The following LMCD1 variants were observed in gnomAD, a reference collection of about 807,000 sequenced individuals.
LMCD1 encodes the protein LIM and cysteine rich domains 1.
In LMCD1, 32 loss-of-function variants were observed where a neutral mutation model predicts 42.7. The observed-to-expected ratio is 0.75, with a 90% CI of 0.57 to 1.01. The LOEUF (loss-of-function observed/expected upper bound fraction) is 1.01, where lower values mean the gene tolerates loss of function less well. Among genes scored for constraint, LMCD1 ranks in the 50% least tolerant of loss-of-function variants. LMCD1 has a pLI of 0.00. For synonymous variants in LMCD1, 178 were observed against 184.9 expected (o/e 0.96, Z 0.30); for missense variants, 458 against 483.1 (o/e 0.95, Z 0.49).
At chr3:8,533,553 C>T (rs990111130) in intron 2 of LMCD1, among the ~76,000 whole-genome samples, 2 of 152,142 alleles carry the variant, frequency 1.3e-5, no homozygotes, top group Admixed American at 6.5e-5. Context: ...ATCACCACTG[C>T]TGTAGCGTTG....
chr3:8,514,985 T>G (rs60137047), intron 1 of LMCD1: 58,986 of 456,284 alleles, frequency 0.13, 4,300 homozygotes, highest in South Asian at 0.21. Flanking sequence ...ATTGGTGCAT[T>G]TCGACCGCAT....
chr3:8,521,977 A>G (rs79196304), intron 1 of LMCD1, among the ~76,000 whole-genome samples: 5,279 of 151,982 alleles, frequency 0.035, 142 homozygotes, highest in African/African-American at 0.071. Context: ...CCATCACCCA[A>G]CCCCTCAAAA....
At chr3:8,513,058 A>C (rs1694031945) in intron 1 of LMCD1, among the ~76,000 whole-genome samples, 1 of 152,150 alleles carries the variant, frequency 6.6e-6, no homozygotes, top group Admixed American at 6.5e-5. Context: ...AAGATGTCTA[A>C]TTTTTTTAAC....
At chr3:8,527,547 A>T (rs1035452322) in intron 1 of LMCD1, among the ~76,000 whole-genome samples, 1 of 152,100 alleles carries the variant, frequency 6.6e-6, no homozygotes, top group African/African-American at 2.4e-5. Flanking sequence ...ATTTTATTCC[A>T]CTCAACCCAT....
At chr3:8,557,455 G>A (rs1201789492) in intron 4 of LMCD1, among the ~76,000 whole-genome samples, 2 of 152,178 alleles carry the variant, frequency 1.3e-5, no homozygotes, top group Non-Finnish European at 2.9e-5. Context: ...AGACTGGATA[G>A]GCCTTTGGAT....
intron 1 of LMCD1, among the ~76,000 whole-genome samples, chr3:8,520,019 G>A (rs1002861503): frequency 5.3e-5 from 8 of 152,188 alleles, no homozygotes; most frequent in African/African-American, 1.9e-4. Context: ...ATTTGCATAA[G>A]CAAAGCCTTA....
chr3:8,550,115 A>G, intron 4 of LMCD1: 1 of 1,399,492 alleles, frequency 7.1e-7, no homozygotes, highest in Non-Finnish European at 9.3e-7. Context: ...TTGAGAAAAC[A>G]GAAAGGAGAA....
At chr3:8,544,349 C>T (rs1411190396) in intron 3 of LMCD1, among the ~76,000 whole-genome samples, 1 of 152,190 alleles carries the variant, frequency 6.6e-6, no homozygotes, top group Non-Finnish European at 1.5e-5. Flanking sequence ...CAGGTCTTCT[C>T]TTCTGTCTGA....
In LMCD1 at chr3:8,501,893, G is replaced by A. The variant is rs376881910; in HGVS notation, c.-46G>A. 5.4e-4 allele frequency: 839 copies of A among 1,565,142 alleles called. No individual in the cohort carries two copies. The highest frequency in any genetic ancestry group is 9.8e-4 in the Admixed American group (52 of 53,292). ...CGCTGTCCCCGCTGCGCGCCCTCGC[G>A]CCTCTGCCTGAGAAGCCAGGCGCTG... On this transcript the variant is annotated 5_prime_UTR_variant, in exon 1 of 6. Coordinates refer to ENST00000157600, the MANE Select transcript of LMCD1 (RefSeq NM_014583.4).
intron 2 of LMCD1, among the ~76,000 whole-genome samples, chr3:8,533,864 A>G (rs753591882): frequency 3.3e-5 from 5 of 151,958 alleles, no homozygotes; most frequent in Admixed American, 6.6e-5. Flanking sequence ...CTTTCAGAGC[A>G]GAACACTGTT....
At chr3:8,525,305 G>A (rs1298675856) in intron 1 of LMCD1, among the ~76,000 whole-genome samples, 2 of 152,110 alleles carry the variant, frequency 1.3e-5, no homozygotes, top group Admixed American at 1.3e-4. Context: ...TTCTGTGCCT[G>A]ACTTATTTCA....
At chr3:8,545,249 C>T (rs1171969113) in intron 3 of LMCD1, among the ~76,000 whole-genome samples, 1 of 151,586 alleles carries the variant, frequency 6.6e-6, no homozygotes, top group Non-Finnish European at 1.5e-5. Flanking sequence ...GAATGTTGCC[C>T]AGGAGGTAAA....
chr3:8,535,820 C>T (rs749802430), intron 2 of LMCD1, among the ~76,000 whole-genome samples: 1 of 152,196 alleles, frequency 6.6e-6, no homozygotes, highest in Non-Finnish European at 1.5e-5. Flanking sequence ...GGTTCCCAAC[C>T]TCTCAGCACA....
chr3:8,556,021 A>C (rs1270606857), intron 4 of LMCD1, among the ~76,000 whole-genome samples: 2 of 152,182 alleles, frequency 1.3e-5, no homozygotes, highest in African/African-American at 4.8e-5. Context: ...CATAAAGAAT[A>C]GTTTTAGCTT....
chr3:8,553,506 C>T (rs1477292046), intron 4 of LMCD1, among the ~76,000 whole-genome samples: 1 of 152,244 alleles, frequency 6.6e-6, no homozygotes, highest in African/African-American at 2.4e-5. Context: ...CTGAGCCCAG[C>T]CCACCTGCAT....
At chr3:8,553,459 A>G (rs1346535806) in intron 4 of LMCD1, among the ~76,000 whole-genome samples, 3 of 152,236 alleles carry the variant, frequency 2.0e-5, no homozygotes, top group Non-Finnish European at 4.4e-5. Context: ...GTGAGCCCAG[A>G]TAACAGTGGT....
chr3:8,510,349 A>G (rs139148529), intron 1 of LMCD1, among the ~76,000 whole-genome samples: 1 of 152,246 alleles, frequency 6.6e-6, no homozygotes, highest in Non-Finnish European at 1.5e-5. Context: ...ATCTGACACT[A>G]ATGTGGGCAG....
intron 4 of LMCD1, among the ~76,000 whole-genome samples, chr3:8,555,144 C>A (rs1476029129): frequency 6.6e-6 from 1 of 152,178 alleles, no homozygotes; most frequent in Non-Finnish European, 1.5e-5. Context: ...CATTTCCCCA[C>A]AAGAATGCTG....
intron 3 of LMCD1, 85 bp downstream of exon 3, chr3:8,537,525 G>A: frequency 6.9e-7 from 1 of 1,439,138 alleles, no homozygotes; most frequent in Non-Finnish European, 9.3e-7. Context: ...TTCAAACATG[G>A]GGTGGCAAGA....
Sources: gnomAD v4.1 joint callset for allele counts (sites outside exome capture counted in the v4.1 genomes callset) on GRCh38, gnomAD v4.1.1 for gene constraint, MANE v1.5 for transcripts, NCBI Gene and HGNC (gene_info 2026-07-23, HGNC 2026-07-21) for gene names.